The following SORBS2 variants were observed in gnomAD, a reference collection of about 807,000 sequenced individuals.
SORBS2 encodes the protein sorbin and SH3 domain-containing protein 2.
SORBS2 carries 46 observed loss-of-function variants against 97.7 expected under a neutral mutation model. The observed-to-expected ratio is 0.47, with a 90% CI of 0.37 to 0.60. SORBS2 has a LOEUF of 0.60. Among genes scored for constraint, SORBS2 ranks in the 20% least tolerant of loss-of-function variants. The probability of loss-of-function intolerance (pLI) is 0.00; values close to 1 mark genes in which losing one functional copy is unlikely to be tolerated. For synonymous variants in SORBS2, 476 were observed against 473.4 expected (o/e 1.01, Z -0.07); for missense variants, 1,316 against 1,282.3 (o/e 1.03, Z -0.40).
chr4:185,733,037 C>G (rs558401435), intron 2 of SORBS2, among the ~76,000 whole-genome samples: 1 of 152,286 alleles, frequency 6.6e-6, no homozygotes, highest in Admixed American at 6.5e-5. Flanking sequence ...CACAGGCAAC[C>G]CGGCCCTGCT....
chr4:185,890,795 C>T (rs984086570), intron 1 of SORBS2, among the ~76,000 whole-genome samples: 5 of 152,298 alleles, frequency 3.3e-5, no homozygotes, highest in Non-Finnish European at 7.3e-5. Context: ...TGGGCCTGAA[C>T]GTAGGAGTGG....
chr4:185,752,637 T>C (rs1287228701), intron 2 of SORBS2, among the ~76,000 whole-genome samples: 1 of 152,204 alleles, frequency 6.6e-6, no homozygotes, highest in African/African-American at 2.4e-5. Flanking sequence ...AAAACTGAAA[T>C]TACTTCTGTC....
At chr4:185,590,648 T>C (rs2095904024) in intron 13 of SORBS2, among the ~76,000 whole-genome samples, 1 of 152,224 alleles carries the variant, frequency 6.6e-6, no homozygotes, top group Admixed American at 6.5e-5. Flanking sequence ...CTGAATTCTT[T>C]GACAGCATAT....
At chr4:185,820,225 G>A (rs2099195894) in intron 1 of SORBS2, among the ~76,000 whole-genome samples, 2 of 152,174 alleles carry the variant, frequency 1.3e-5, no homozygotes, top group South Asian at 4.1e-4. Context: ...TTCAGCAAAG[G>A]AGAAACAGGC....
chr4:185,702,650 G>A (rs2098280712), intron 2 of SORBS2, among the ~76,000 whole-genome samples: 2 of 142,002 alleles, frequency 1.4e-5, no homozygotes, highest in Admixed American at 1.5e-4. Flanking sequence ...TGCTCTTAAT[G>A]TTACATGACT....
Position 185,899,110 on chromosome 4 carries a change from A to G in SORBS2, c.-338+57086T>C, listed in dbSNP as rs569318683. ...GAACAAAGGAGACAGGAATCAGGGC[A>G]GCCTCTGACAGAGTGCTCACAGGAG... On this transcript the variant is annotated intron_variant, in intron 1 of 20. Transcript: ENST00000284776. Among the ~76,000 whole-genome samples the G allele has an allele frequency of 2.3e-3, 348 of 152,330 alleles. 1 individual carries two copies. The highest frequency in any genetic ancestry group is 3.9e-3 in the Non-Finnish European group (267 of 68,034).
intron 2 of SORBS2, among the ~76,000 whole-genome samples, chr4:185,767,577 T>C (rs2098944047): frequency 6.6e-6 from 1 of 151,008 alleles, no homozygotes; most frequent in Non-Finnish European, 1.5e-5. Context: ...CAACCTTTCA[T>C]CTCTGATAAT....
chr4:185,595,194 A>C (rs2153367188), intron 12 of SORBS2, among the ~76,000 whole-genome samples: 1 of 152,242 alleles, frequency 6.6e-6, no homozygotes, highest in Non-Finnish European at 1.5e-5. Context: ...GTAAGCTCTG[A>C]CTCGGTTAAC....
intron 2 of SORBS2, 32 bp downstream of exon 2, chr4:185,775,195 C>T (rs1365231457): frequency 6.6e-6 from 1 of 152,582 alleles, no homozygotes; most frequent in Non-Finnish European, 1.5e-5. Flanking sequence ...TACCAGAAAA[C>T]AATTAAATAA....
intron 1 of SORBS2, among the ~76,000 whole-genome samples, chr4:185,915,300 C>T (rs2099257510): frequency 2.0e-5 from 3 of 152,206 alleles, no homozygotes; most frequent in South Asian, 4.1e-4. Flanking sequence ...AGCCTCCCTC[C>T]AAGGGCACTG....
At chr4:185,953,424 C>T (rs920114746) in intron 1 of SORBS2, among the ~76,000 whole-genome samples, 1 of 152,216 alleles carries the variant, frequency 6.6e-6, no homozygotes, top group African/African-American at 2.4e-5. Context: ...TCCACCCTTC[C>T]TTTGGAAAAA....
At chr4:185,834,430 C>T (rs2099206846) in intron 1 of SORBS2, among the ~76,000 whole-genome samples, 1 of 152,034 alleles carries the variant, frequency 6.6e-6, no homozygotes, top group Non-Finnish European at 1.5e-5. Context: ...AGCATGTACA[C>T]GTTTCTATCA....
At chr4:185,709,178 C>A (rs570999950) in intron 2 of SORBS2, among the ~76,000 whole-genome samples, 5 of 152,178 alleles carry the variant, frequency 3.3e-5, no homozygotes, top group African/African-American at 1.2e-4. Context: ...ACCACCACAC[C>A]CAGCTAACTT....
At chr4:185,587,540 G>C (rs1347902917) in exon 15 of SORBS2, 250 of 1,180,662 alleles carry the variant, frequency 2.1e-4, no homozygotes, top group Non-Finnish European at 2.9e-5. Context: ...CGTAAGGCAT[G>C]ACAACGGGAG....
exon 4 of SORBS2, chr4:185,646,748 T>C (rs1213149944): frequency 6.2e-7 from 1 of 1,613,346 alleles, no homozygotes; most frequent in Non-Finnish European, 8.5e-7. Context: ...AATTTTCTTG[T>C]GTCCACTTTT....
chr4:185,848,069 G>A (rs2099215560), intron 1 of SORBS2, among the ~76,000 whole-genome samples: 2 of 152,244 alleles, frequency 1.3e-5, no homozygotes, highest in East Asian at 1.9e-4. Context: ...CAGAAAATTC[G>A]ACAGACTCAG....
intron 2 of SORBS2, among the ~76,000 whole-genome samples, chr4:185,714,331 C>T (rs2098447471): frequency 6.6e-6 from 1 of 152,222 alleles, no homozygotes; most frequent in African/African-American, 2.4e-5. Flanking sequence ...CAGCCAGCCT[C>T]TGACCCTACA....
chr4:185,744,017 C>G (rs1468702714), intron 2 of SORBS2, among the ~76,000 whole-genome samples: 5 of 135,768 alleles, frequency 3.7e-5, no homozygotes, highest in African/African-American at 1.1e-4. Flanking sequence ...TTTCCCCTTT[C>G]CCTCCTCTCC....
intron 1 of SORBS2, among the ~76,000 whole-genome samples, chr4:185,655,154 G>A (rs951743765): frequency 7.9e-5 from 12 of 152,204 alleles, no homozygotes; most frequent in Admixed American, 3.9e-4. Context: ...TCACATGAGA[G>A]AGGGCAATCT....
Sources: allele counts gnomAD v4.1 joint callset (sites outside exome capture counted in the v4.1 genomes callset), GRCh38; gene constraint gnomAD v4.1.1; transcripts MANE v1.5; gene names NCBI Gene and HGNC (gene_info 2026-07-23, HGNC 2026-07-21).